Variants in TMEM178B observed in about 807,000 individuals in gnomAD.
The protein encoded by TMEM178B is transmembrane protein 178B.
Under a neutral mutation model 31.0 loss-of-function variants are expected in TMEM178B, and 5 were observed. The observed-to-expected ratio is 0.16, with a 90% CI of 0.08 to 0.34. The LOEUF (loss-of-function observed/expected upper bound fraction) is 0.34. Among genes scored for constraint, TMEM178B ranks in the 10% least tolerant of loss-of-function variants. The pLI, the probability that TMEM178B is intolerant of heterozygous loss-of-function variation, is 1.00. For synonymous variants in TMEM178B, 164 were observed against 164.0 expected, an observed-to-expected ratio of 1.00 and a Z score of 0.00; for missense variants, 275 against 400.3, an observed-to-expected ratio of 0.69 and a Z score of 2.67.
intron 1 of TMEM178B, among the ~76,000 whole-genome samples, chr7:141,190,312 CTT>C (rs1016849344): frequency 1.3e-5 from 2 of 151,876 alleles, no homozygotes; most frequent in Non-Finnish European, 2.9e-5. Context: ...TCTCGTGTAA[CTT>C]TTGTTTTTTT....
chr7:141,402,473 G>A (rs1267804762), intron 2 of TMEM178B, among the ~76,000 whole-genome samples: 2 of 152,200 alleles, frequency 1.3e-5, no homozygotes, highest in African/African-American at 4.8e-5. Context: ...TCTTGGTAGA[G>A]CTCAAGTGCT....
intron 2 of TMEM178B, among the ~76,000 whole-genome samples, chr7:141,423,505 G>T (rs1233830267): frequency 3.3e-5 from 5 of 152,212 alleles, no homozygotes; most frequent in Admixed American, 3.3e-4. Flanking sequence ...ACATGAGCTG[G>T]TGGCTACCAT....
At chr7:141,502,673 G>A in the TMEM178B span, among the ~76,000 whole-genome samples, 2 of 152,092 alleles carry the variant, frequency 1.3e-5, no homozygotes, top group African/African-American at 4.8e-5. Flanking sequence ...GGGAGGCTGA[G>A]GCAGGAAAAT....
At chr7:141,270,496 A>G (rs1434399606) in intron 2 of TMEM178B, among the ~76,000 whole-genome samples, 1 of 152,208 alleles carries the variant, frequency 6.6e-6, no homozygotes, top group African/African-American at 2.4e-5. Flanking sequence ...TAATAAGTGT[A>G]TTCAGCCACC....
chr7:141,122,310 G>A lies in TMEM178B; in HGVS notation c.382+47618G>A, dbSNP rs1422820341. Among the ~76,000 whole-genome samples, 4 of 152,294 alleles carry A rather than the reference G, an allele frequency of 2.6e-5. No individual in the cohort carries two copies. The East Asian group carries it at 7.7e-4, about 29-fold the overall frequency. ...AAAGACTTTTCAAAAGGGGAAAAAA[G>A]CGGAAATCTAGGCCAGTTCTGTCTA... On this transcript the variant is annotated intron_variant, in intron 1 of 3. Transcript: ENST00000565468.
chr7:141,468,454 G>A lies in TMEM178B; in HGVS notation c.635-2082G>A, dbSNP rs58954966. On this transcript the variant is annotated intron_variant, in intron 3 of 3. Coordinates refer to ENST00000565468, the MANE Select transcript of TMEM178B (RefSeq NM_001195278.2). ...ACCAGTTGTAAACAGTACAGTGGAT[G>A]AGACTGCAGGCTCTGGAACTAGCCT... 2.9e-3 allele frequency among the ~76,000 whole-genome samples: 436 copies of A among 152,330 alleles called. 3 individuals carry two copies. Among genetic ancestry groups the A allele is most frequent in the African/African-American group, 9.8e-3 (408 of 41,580 alleles).
At chr7:141,358,641 A>G (rs539037697) in intron 2 of TMEM178B, among the ~76,000 whole-genome samples, 2 of 151,666 alleles carry the variant, frequency 1.3e-5, no homozygotes, top group African/African-American at 2.4e-5. Flanking sequence ...AAGTTTCCCA[A>G]CTTTTCTTAA....
At chr7:141,442,212 C>G (rs532943635) in intron 3 of TMEM178B, among the ~76,000 whole-genome samples, 1 of 152,204 alleles carries the variant, frequency 6.6e-6, no homozygotes, top group South Asian at 2.1e-4. Flanking sequence ...CCTACCCCAT[C>G]AAGACCCCTC....
chr7:141,233,601 T>C (rs1318867672), intron 2 of TMEM178B, among the ~76,000 whole-genome samples: 2 of 152,298 alleles, frequency 1.3e-5, no homozygotes, highest in South Asian at 2.1e-4. Flanking sequence ...CTGGGGTATG[T>C]GTTTTGTGAG....
chr7:141,137,150 T>C (rs1416928985), intron 1 of TMEM178B, among the ~76,000 whole-genome samples: 1 of 152,120 alleles, frequency 6.6e-6, no homozygotes, highest in African/African-American at 2.4e-5. Context: ...GAAAACAGTA[T>C]GGAGGTTTTT....
chr7:141,097,648 A>G (rs1298206559), intron 1 of TMEM178B, among the ~76,000 whole-genome samples: 53 of 152,026 alleles, frequency 3.5e-4, no homozygotes, highest in Admixed American at 3.5e-3. Context: ...TAGCATTTTC[A>G]TCAAGTGCTA....
intron 2 of TMEM178B, among the ~76,000 whole-genome samples, chr7:141,349,614 T>C (rs1318844774): frequency 6.6e-6 from 1 of 152,114 alleles, no homozygotes; most frequent in Non-Finnish European, 1.5e-5. Flanking sequence ...ACAAAACAAA[T>C]AGGTCAATTA....
chr7:141,093,217 A>C (rs1220258549), intron 1 of TMEM178B, among the ~76,000 whole-genome samples: 7 of 152,212 alleles, frequency 4.6e-5, no homozygotes, highest in Non-Finnish European at 8.8e-5. Flanking sequence ...CTAGAACCAG[A>C]GTACAGGGAG....
chr7:141,211,581 T>C (rs1797053776), intron 1 of TMEM178B, among the ~76,000 whole-genome samples: 1 of 152,184 alleles, frequency 6.6e-6, no homozygotes, highest in Non-Finnish European at 1.5e-5. Flanking sequence ...TCCTGATTCT[T>C]CACAATGCTC....
At chr7:141,166,312 C>G (rs2129182257) in intron 1 of TMEM178B, among the ~76,000 whole-genome samples, 1 of 152,302 alleles carries the variant, frequency 6.6e-6, no homozygotes, top group Middle Eastern at 3.4e-3. Context: ...AAGTAAGGGT[C>G]CTGCTGGATT....
At chr7:141,181,805 C>T (rs1796534189) in intron 1 of TMEM178B, among the ~76,000 whole-genome samples, 1 of 152,148 alleles carries the variant, frequency 6.6e-6, no homozygotes, top group Admixed American at 6.5e-5. Flanking sequence ...AGTCTTCCTC[C>T]TTGGGTGCTG....
At chr7:141,462,212 C>G (rs1239526957) in intron 3 of TMEM178B, among the ~76,000 whole-genome samples, 1 of 152,104 alleles carries the variant, frequency 6.6e-6, no homozygotes, top group African/African-American at 2.4e-5. Context: ...AGGCACCATC[C>G]TCCCTCAAAT....
At chr7:141,497,854 A>T in the TMEM178B span, among the ~76,000 whole-genome samples, 2 of 152,258 alleles carry the variant, frequency 1.3e-5, no homozygotes, top group African/African-American at 4.8e-5. Flanking sequence ...AGGAGCAGAA[A>T]TAAAGGCTGA....
At chr7:141,158,773 C>T (rs928572179) in intron 1 of TMEM178B, among the ~76,000 whole-genome samples, 31 of 152,010 alleles carry the variant, frequency 2.0e-4, no homozygotes, top group East Asian at 1.2e-3. Context: ...CTTGGAGATG[C>T]GGTCTGACTT....
Sources: allele counts gnomAD v4.1 joint callset (sites outside exome capture counted in the v4.1 genomes callset), GRCh38; gene constraint gnomAD v4.1.1; transcripts MANE v1.5; gene names NCBI Gene and HGNC (gene_info 2026-07-23, HGNC 2026-07-21).